GAS7: variants seen among roughly 807,000 people sequenced by gnomAD.
The protein encoded by GAS7 is growth arrest-specific protein 7.
A neutral mutation model predicts 71.1 loss-of-function variants in GAS7; 28 were observed. The ratio of observed to expected loss-of-function variants is 0.39; its 90% CI spans 0.29 to 0.54. The LOEUF (loss-of-function observed/expected upper bound fraction) is 0.54. Ranked by LOEUF, GAS7 falls within the 20% of genes least tolerant of loss-of-function variation. The probability of loss-of-function intolerance (pLI) is 0.62; values close to 1 mark genes in which losing one functional copy is unlikely to be tolerated. For missense variants in GAS7, 436 were observed against 627.8 expected (o/e 0.69, Z 3.27); for synonymous variants, 258 against 245.8 (o/e 1.05, Z -0.46).
rs182981248 is a variant in GAS7 at position 10,011,890 on chromosome 17, C to T, written c.304+7887G>A. ...ACTAGGGAGGCTGAGGCAGGAGAATCGCTTGAACCTGGGAGGTGGAGGTTG... is the reference window on the plus strand; with the variant it reads ...ACTAGGGAGGCTGAGGCAGGAGAATTGCTTGAACCTGGGAGGTGGAGGTTG... On this transcript the variant is annotated intron_variant, in intron 2 of 13. Coordinates refer to ENST00000432992, the MANE Select transcript of GAS7 (RefSeq NM_201433.2). Among the ~76,000 whole-genome samples the T allele has an allele frequency of 2.5e-3, 383 of 151,596 alleles. 3 individuals are homozygous for T. Among genetic ancestry groups the T allele is most frequent in the African/African-American group, 8.7e-3 (360 of 41,286 alleles).
intron 1 of GAS7, among the ~76,000 whole-genome samples, chr17:10,040,203 G>T (rs1422836847): frequency 6.6e-6 from 1 of 152,214 alleles, no homozygotes; most frequent in Admixed American, 6.5e-5. Context: ...GATTGGGCAG[G>T]ATGGGTCAGA....
chr17:9,933,785 C>T (rs2068291977), intron 9 of GAS7, among the ~76,000 whole-genome samples: 1 of 152,166 alleles, frequency 6.6e-6, no homozygotes, highest in Non-Finnish European at 1.5e-5. Flanking sequence ...GCTGAGGCTG[C>T]AGTGAGCTAT....
At chr17:10,087,158 CTG>C (rs2073528355) in intron 1 of GAS7, among the ~76,000 whole-genome samples, 1 of 152,218 alleles carries the variant, frequency 6.6e-6, no homozygotes, top group African/African-American at 2.4e-5. Context: ...GACCAGGAGA[CTG>C]AGATCTCAGG....
chr17:10,191,470 C>T (rs1051154060), intron 1 of GAS7, among the ~76,000 whole-genome samples: 1 of 145,990 alleles, frequency 6.8e-6, no homozygotes, highest in Non-Finnish European at 1.5e-5. Flanking sequence ...CTTGGAGGAT[C>T]GTTTGAGCCC....
intron 1 of GAS7, among the ~76,000 whole-genome samples, chr17:10,095,728 G>A (rs2073634604): frequency 6.6e-6 from 1 of 151,080 alleles, no homozygotes; most frequent in Non-Finnish European, 1.5e-5. Context: ...GCTAAGGCAG[G>A]AGAGTCAGAG....
In GAS7 at chr17:9,942,980, G is replaced by A. The variant is rs893977297; in HGVS notation, c.731+141C>T. ...ACTGCTGACCAGATCCATCCCAGGC[G>A]CCATGAGTTTGCCGCCTGGCGCTAA... On this transcript the variant is annotated intron_variant, in intron 7 of 13. Coordinates refer to ENST00000432992, the MANE Select transcript of GAS7 (RefSeq NM_201433.2). 4.4e-5 allele frequency: 25 copies of A among 573,038 alleles called. No homozygotes were observed. In the African/African-American group the frequency reaches 4.4e-4, roughly 10 times the overall value. The allele number at this position is 573,038 out of a possible 1,614,324, so 35.5% of individuals were successfully genotyped here.
chr17:9,971,251 A>AT (rs1418057341), intron 3 of GAS7, among the ~76,000 whole-genome samples: 5 of 152,036 alleles, frequency 3.3e-5, no homozygotes, highest in Middle Eastern at 3.4e-3. Context: ...AATAGAAAAA[A>AT]TTTAAAAAAA....
chr17:10,158,348 A>AAC (rs1555538253), intron 1 of GAS7, among the ~76,000 whole-genome samples: 2 of 146,178 alleles, frequency 1.4e-5, no homozygotes, highest in Non-Finnish European at 3.0e-5. Context: ...AAAAAAAAAA[A>AAC]AAAAAAAAAA....
chr17:9,959,120 G>C lies in GAS7; in HGVS notation c.525+82C>G, dbSNP rs1322073258. 6.1e-6 allele frequency: 9 copies of C among 1,483,936 alleles called. No homozygotes were observed. Among genetic ancestry groups the C allele is most frequent in the African/African-American group, 5.5e-5 (4 of 72,186 alleles). The allele number at this position is 1,483,936 out of a possible 1,614,324, so 91.9% of individuals were successfully genotyped here. A position where few individuals can be genotyped will look rare whatever the true frequency, so the allele number is the denominator to read the frequency against. ...AGGTTGGGCATCACTTCTGCTTGGCGGTCCACATCGCCATGGCAACAGCCC... is the reference window on the plus strand; with the variant it reads ...AGGTTGGGCATCACTTCTGCTTGGCCGTCCACATCGCCATGGCAACAGCCC... On this transcript the variant is annotated intron_variant, in intron 5 of 13. Transcript: ENST00000432992. The surrounding 1 kb of genome is among the most constrained non-coding windows in gnomAD (Gnocchi z 5.0).
intron 1 of GAS7, among the ~76,000 whole-genome samples, chr17:10,136,218 C>T (rs2074037003): frequency 6.6e-6 from 1 of 152,166 alleles, no homozygotes; most frequent in Admixed American, 6.5e-5. Context: ...TCCCCAGATC[C>T]ACGGGGGAGG....
Position 9,919,336 on chromosome 17 carries a change from G to C in GAS7, c.1218+290C>G, listed in dbSNP as rs962632680. Among the ~76,000 whole-genome samples the C allele has an allele frequency of 4.3e-4, 65 of 152,122 alleles. No individual in the cohort carries two copies. The highest frequency in any genetic ancestry group is 1.5e-3 in the African/African-American group (64 of 41,436). On this transcript the variant is annotated intron_variant, in intron 12 of 13. Transcript: ENST00000432992. The surrounding 1 kb of genome is among the most constrained non-coding windows in gnomAD (Gnocchi z 5.0). ...TCCTAAAGAGGCCCTTGTCCACTTA[G>C]TTGAGGAGAGTCCTCAGTTGACCCT...
chr17:9,999,439 A>T (rs959560125), intron 2 of GAS7, among the ~76,000 whole-genome samples: 8 of 151,998 alleles, frequency 5.3e-5, no homozygotes, highest in African/African-American at 1.5e-4. Flanking sequence ...AATTGCTTGA[A>T]CTGGGGAGGC....
chr17:10,080,434 C>T (rs2073446614), intron 1 of GAS7, among the ~76,000 whole-genome samples: 1 of 152,224 alleles, frequency 6.6e-6, no homozygotes, highest in Non-Finnish European at 1.5e-5. Context: ...CAGCAGCCCT[C>T]AGAGCTGCTC....
intron 1 of GAS7, among the ~76,000 whole-genome samples, chr17:10,078,053 T>TTGTGTGTGTGTG (rs59380311): frequency 6.8e-6 from 1 of 146,318 alleles, no homozygotes; most frequent in African/African-American, 2.6e-5. Flanking sequence ...GTTTTTTCTG[T>TTGTGTGTGTGTG]TGTGTGTGTG....
intron 2 of GAS7, among the ~76,000 whole-genome samples, chr17:10,016,613 A>AAAC (rs1309867693): frequency 1.4e-5 from 2 of 146,074 alleles, no homozygotes; most frequent in African/African-American, 5.0e-5. Flanking sequence ...AAAAAAAAAA[A>AAAC]AAAAAAAAAA....
In GAS7 at chr17:10,198,562, C is replaced by G; in HGVS notation, c.-172G>C. 1 of 393,250 alleles carries G rather than the reference C, an allele frequency of 2.5e-6. No homozygotes were observed. The highest frequency in any genetic ancestry group is 4.4e-6 in the Non-Finnish European group (1 of 227,612). 24.4% of individuals were successfully genotyped at this position (393,250 alleles called of 1,614,324 possible). A position where few individuals can be genotyped will look rare whatever the true frequency, so the allele number is the denominator to read the frequency against. On this transcript the variant is annotated 5_prime_UTR_variant, in exon 1 of 14. Coordinates refer to ENST00000432992, the MANE Select transcript of GAS7 (RefSeq NM_201433.2). ...AGGCAGGCGGGGGACGCGCGCTCCGCGCCGGGAAGCAGAGACTCGTTGGCT... is the reference window on the plus strand; with the variant it reads ...AGGCAGGCGGGGGACGCGCGCTCCGGGCCGGGAAGCAGAGACTCGTTGGCT...
chr17:10,075,457 C>T (rs1395798913), intron 1 of GAS7, among the ~76,000 whole-genome samples: 1 of 152,018 alleles, frequency 6.6e-6, no homozygotes. Flanking sequence ...TGCCATTCAC[C>T]ATCATGGTTT....
At chr17:10,157,382 T>C (rs1477809450) in intron 1 of GAS7, among the ~76,000 whole-genome samples, 1 of 152,168 alleles carries the variant, frequency 6.6e-6, no homozygotes, top group African/African-American at 2.4e-5. Context: ...TGAAGACAAG[T>C]CTGACGCCTA....
In GAS7 at chr17:10,034,020, A is replaced by C. The variant is rs1180938518; in HGVS notation, c.184-14123T>G. 4 of 596,168 alleles carry C rather than the reference A, an allele frequency of 6.7e-6. No homozygotes were observed. The East Asian group carries it at 5.7e-4, about 85-fold the overall frequency. The allele number at this position is 596,168 out of a possible 1,614,324, so 36.9% of individuals were successfully genotyped here. On this transcript the variant is annotated intron_variant, in intron 1 of 13. Coordinates refer to ENST00000432992, the MANE Select transcript of GAS7 (RefSeq NM_201433.2). This position sits in a 1 kb window ranked among gnomAD's most constrained non-coding sequence, Gnocchi z 4.4. Reference sequence around the variant, plus strand: ...GGTGCAATTCTCACCAACCCGATTCAACTAACATTTCTGGAGCTGCTGCCG... The same window carrying C: ...GGTGCAATTCTCACCAACCCGATTCCACTAACATTTCTGGAGCTGCTGCCG...
Sources: gnomAD v4.1 joint callset for allele counts (sites outside exome capture counted in the v4.1 genomes callset) on GRCh38, gnomAD v4.1.1 for gene constraint, Gnocchi (gnomAD v3.1) non-coding constraint, MANE v1.5 for transcripts, NCBI Gene and HGNC (gene_info 2026-07-23, HGNC 2026-07-21) for gene names.